TRPM8: variants seen among roughly 807,000 people sequenced by gnomAD.
TRPM8 encodes the protein transient receptor potential cation channel subfamily M member 8.
A neutral mutation model predicts 133.7 loss-of-function variants in TRPM8; 110 were observed. That is an observed-to-expected ratio of 0.82 (90% confidence interval 0.70 to 0.96). The LOEUF (loss-of-function observed/expected upper bound fraction) is 0.96. Ranked by LOEUF, TRPM8 falls within the 40% of genes least tolerant of loss-of-function variation. The pLI, the probability that TRPM8 is intolerant of heterozygous loss-of-function variation, is 0.00. For missense variants in TRPM8, 1,291 were observed against 1,379.5 expected (o/e 0.94, Z 1.02); for synonymous variants, 535 against 532.3 (o/e 1.01, Z -0.07).
At chr2:234,003,209 T>G (rs1232397272) in intron 22 of TRPM8, among the ~76,000 whole-genome samples, 1 of 152,184 alleles carries the variant, frequency 6.6e-6, no homozygotes, top group Non-Finnish European at 1.5e-5. Flanking sequence ...AATATAAATG[T>G]ATTCACGACC....
intron 2 of TRPM8, among the ~76,000 whole-genome samples, chr2:233,930,108 T>C (rs1691650622): frequency 6.6e-6 from 1 of 152,202 alleles, no homozygotes; most frequent in South Asian, 2.1e-4. Context: ...TTGAGGAGTG[T>C]AGGTATTTTT....
At chr2:234,010,731 A>G (rs1418907763) in intron 24 of TRPM8, among the ~76,000 whole-genome samples, 2 of 152,134 alleles carry the variant, frequency 1.3e-5, no homozygotes, top group Admixed American at 6.5e-5. Flanking sequence ...CTGATGATTA[A>G]GTGTTGAGCA....
intron 2 of TRPM8, among the ~76,000 whole-genome samples, chr2:233,928,345 C>A (rs1186399792): frequency 6.6e-6 from 1 of 152,118 alleles, no homozygotes; most frequent in Non-Finnish European, 1.5e-5. Flanking sequence ...CTGCGGGTGA[C>A]CCCCTCCCAG....
At chr2:233,981,699 G>A in intron 18 of TRPM8, 75 bp from the exon 19 acceptor site, 2 of 1,451,880 alleles carry the variant, frequency 1.4e-6, no homozygotes, top group Middle Eastern at 2.3e-4. Flanking sequence ...TCTTGAAATT[G>A]GGTTATTTTT....
intron 1 of TRPM8, among the ~76,000 whole-genome samples, chr2:233,921,690 T>C (rs1307396013): frequency 2.7e-5 from 4 of 146,872 alleles, no homozygotes; most frequent in African/African-American, 7.6e-5. Context: ...TTTTTTTTTT[T>C]TTTTGAGATG....
At chr2:233,949,852 C>T in intron 8 of TRPM8, 97 bp from the exon 9 acceptor site, 3 of 1,065,570 alleles carry the variant, frequency 2.8e-6, no homozygotes, top group Non-Finnish European at 4.2e-6. Context: ...AGGGATGTGT[C>T]CGTGTGTTTC....
chr2:233,924,200 A>T (rs981851891), intron 1 of TRPM8, among the ~76,000 whole-genome samples: 2 of 152,226 alleles, frequency 1.3e-5, no homozygotes, highest in African/African-American at 2.4e-5. Context: ...GGAAGGACTC[A>T]TGCTGGGCAT....
intron 9 of TRPM8, among the ~76,000 whole-genome samples, chr2:233,952,796 A>G (rs1234893687): frequency 1.3e-5 from 2 of 152,000 alleles, no homozygotes; most frequent in South Asian, 2.1e-4. Context: ...TCTGGGGTCC[A>G]TCGGTTTACT....
At chr2:233,982,878 T>A (rs747800916) in intron 19 of TRPM8, among the ~76,000 whole-genome samples, 175 bp from the exon 20 acceptor site, 1 of 152,104 alleles carries the variant, frequency 6.6e-6, no homozygotes, top group Non-Finnish European at 1.5e-5. Context: ...TGTCTTAAGA[T>A]CCAAAGATGA....
chr2:234,011,007 T>A (rs1426928963), intron 24 of TRPM8, among the ~76,000 whole-genome samples: 1 of 152,206 alleles, frequency 6.6e-6, no homozygotes, highest in East Asian at 1.9e-4. Flanking sequence ...TTTGCTTTTC[T>A]TGTCCTTGCT....
intron 11 of TRPM8, among the ~76,000 whole-genome samples, chr2:233,956,189 G>A (rs62192337): frequency 1.3e-5 from 2 of 152,272 alleles, no homozygotes; most frequent in Admixed American, 6.5e-5. Context: ...CAGCCTGGTC[G>A]ATGGTAAAAT....
At position 233,926,601 on chromosome 2, in the gene TRPM8, C is replaced by T. The variant is rs202194673; in HGVS notation, c.64C>T (p.Arg22Trp). The change falls in exon 2 of 26, where the codon CGG (arginine) becomes TGG (tryptophan). Residue 22 changes from arginine to tryptophan, a missense_variant. Around this residue, in one of 2 missense-constraint regions of TRPM8, gnomAD observed 963 missense variants for 968.9 expected, o/e 0.99. Transcript: ENST00000324695. ...AAGGAATGACACTCTGGACAGCACCCGGACCCTGTACTCCAGCGCGTCTCG... is the reference window on the plus strand; with the variant it reads ...AAGGAATGACACTCTGGACAGCACCTGGACCCTGTACTCCAGCGCGTCTCG... ...NRRNDTLDSTRTLYSSASRST... is the reference protein window; with the variant it reads ...NRRNDTLDSTWTLYSSASRST... 2.4e-5 allele frequency: 38 copies of T among 1,613,976 alleles called. No homozygotes were observed. The highest frequency in any genetic ancestry group is 3.1e-5 in the Non-Finnish European group (36 of 1,180,032).
intron 20 of TRPM8, 22 bp downstream of exon 20, chr2:233,983,246 T>C: frequency 2.5e-6 from 4 of 1,613,820 alleles, no homozygotes; most frequent in Non-Finnish European, 3.4e-6. Context: ...TTGGCTCAGA[T>C]GGAAACAGCT....
In TRPM8 at chr2:233,985,818, G is replaced by T. The variant is rs1042643351; in HGVS notation, c.2892G>T (p.Met964Ile). The T allele has an allele frequency of 6.2e-7, 1 of 1,614,092 alleles. No individual in the cohort carries two copies. The highest frequency in any genetic ancestry group is 1.3e-5 in the African/African-American group (1 of 74,930). The stretch of plus-strand genomic sequence containing the variant: ...CCATCCCCCTGGTGTGCATCTACAT[G>T]TTATCCACCAACATCCTGCTGGTCA... Reference protein sequence around the residue: ...WITIPLVCIYMLSTNILLVNL... With the variant: ...WITIPLVCIYILSTNILLVNL... Residue 964 changes from methionine (M) to isoleucine (I), a missense_variant, in exon 21 of 26, where the codon ATG becomes ATT. Met to Ile is a conservative substitution (Grantham distance 10). Around this residue, in one of 2 missense-constraint regions of TRPM8, gnomAD observed 328 missense variants for 410.6 expected, o/e 0.80. Transcript: ENST00000324695.
intron 7 of TRPM8, 172 bp downstream of exon 7, chr2:233,946,202 T>C: frequency 3.1e-6 from 2 of 647,382 alleles, no homozygotes; most frequent in Non-Finnish European, 5.2e-6. Flanking sequence ...TCAGGAATGC[T>C]TCTGCCAGGG....
intron 1 of TRPM8, among the ~76,000 whole-genome samples, chr2:233,926,065 T>C (rs575428775): frequency 5.9e-5 from 9 of 152,160 alleles, no homozygotes; most frequent in Non-Finnish European, 4.4e-5. Flanking sequence ...GGCAGGGGTC[T>C]TCTTTTCTGC....
chr2:233,949,054 AG>A (rs756165207), intron 8 of TRPM8, among the ~76,000 whole-genome samples: 1 of 152,148 alleles, frequency 6.6e-6, no homozygotes, highest in Admixed American at 6.5e-5. Context: ...AGAAAGAAAA[AG>A]AAAAGAAAAT....
At chr2:233,949,421 T>C (rs528363357) in intron 8 of TRPM8, among the ~76,000 whole-genome samples, 4 of 152,310 alleles carry the variant, frequency 2.6e-5, no homozygotes, top group African/African-American at 9.6e-5. Context: ...AGGAAGAAAA[T>C]ATATTTTTAT....
intron 22 of TRPM8, among the ~76,000 whole-genome samples, chr2:233,997,054 C>G (rs184678247): frequency 1.1e-4 from 17 of 152,298 alleles, no homozygotes; most frequent in African/African-American, 2.4e-4. Context: ...TGCCTGAGCT[C>G]AGGAGTTTGT....
Sources: allele counts gnomAD v4.1 joint callset (sites outside exome capture counted in the v4.1 genomes callset), GRCh38; gene constraint gnomAD v4.1.1; regional missense constraint gnomAD v4.1.1; transcripts MANE v1.5; gene names NCBI Gene and HGNC (gene_info 2026-07-23, HGNC 2026-07-21).